The following GSE1 variants were observed in gnomAD, a reference collection of about 807,000 sequenced individuals.
GSE1 encodes the protein Gse1 coiled-coil protein, also known as genetic suppressor element 1.
Under a neutral mutation model 112.6 loss-of-function variants are expected in GSE1, and 32 were observed. That is an observed-to-expected ratio of 0.28 (90% CI 0.21 to 0.38). The LOEUF is 0.38. GSE1 is among the 10% of genes least tolerant of loss of function. The pLI is 1.00. For missense variants in GSE1, 2,348 were observed against 1,699.2 expected, an observed-to-expected ratio of 1.38 and a Z score of -6.71; for synonymous variants, 1,115 against 735.6, an observed-to-expected ratio of 1.52 and a Z score of -8.35.
chr16:85,666,642 G>T (rs1461919654), intron 13 of GSE1: 2 of 403,882 alleles, frequency 5.0e-6, no homozygotes, highest in Non-Finnish European at 9.0e-6. Flanking sequence ...GACAGGCATT[G>T]GTTTTTGCAG....
chr16:85,642,829 C>T (rs953294869), intron 2 of GSE1, among the ~76,000 whole-genome samples: 1 of 152,180 alleles, frequency 6.6e-6, no homozygotes, highest in African/African-American at 2.4e-5. Flanking sequence ...TTTACCTCTC[C>T]GGGTGCCCTG....
At chr16:85,323,432 C>T (rs1339973874) in intron 1 of GSE1, among the ~76,000 whole-genome samples, 2 of 152,038 alleles carry the variant, frequency 1.3e-5, no homozygotes, top group African/African-American at 4.8e-5. Context: ...AGGAGGCTGC[C>T]AAGGTGAGCT....
chr16:85,626,726 T>TGCCGGGGAAGA (rs1311717894), intron 1 of GSE1, among the ~76,000 whole-genome samples: 1 of 152,110 alleles, frequency 6.6e-6, no homozygotes, highest in African/African-American at 2.4e-5. Flanking sequence ...TGAGGTCTGG[T>TGCCGGGGAAGA]GCCGGGGAAG....
chr16:85,636,365 A>ACGCCCTCAGCCAGGCCTGGGCCCTCGT (rs2049998326), intron 2 of GSE1, among the ~76,000 whole-genome samples: 1 of 152,018 alleles, frequency 6.6e-6, no homozygotes, highest in Admixed American at 6.5e-5. Flanking sequence ...GGGTCCTGGA[A>ACGCCCTCAGCCAGGCCTGGGCCCTCGT]CGCCCTCAGC....
Position 85,668,437 on chromosome 16 carries a change from TG to T in GSE1, c.3415+17del. 8.4e-7 allele frequency: 1 copy of T among 1,194,984 alleles called. No individual in the cohort carries two copies. Among genetic ancestry groups the T allele is most frequent in the Non-Finnish European group, 1.2e-6 (1 of 826,524 alleles). 74.0% of individuals were successfully genotyped at this position (1,194,984 alleles called of 1,614,324 possible). A position where few individuals can be genotyped will look rare whatever the true frequency, so the allele number is the denominator to read the frequency against. ...GAACACATAGAAGGTAAGGGGGTGC[TG>T]GGGAAGAGGGGGGAGGGGGTCAGGA... On this transcript the variant is annotated intron_variant, in intron 14 of 15. Transcript: ENST00000253458.
chr16:85,307,546 G>C (rs1371969061), intron 1 of GSE1, among the ~76,000 whole-genome samples: 1 of 152,214 alleles, frequency 6.6e-6, no homozygotes, highest in Non-Finnish European at 1.5e-5. Flanking sequence ...ACAGAGCTTC[G>C]AGCTGTCCCT....
chr16:85,480,302 C>T (rs1251237619), intron 2 of GSE1, among the ~76,000 whole-genome samples: 1 of 152,250 alleles, frequency 6.6e-6, no homozygotes, highest in Non-Finnish European at 1.5e-5. Flanking sequence ...TCCAGGGCCC[C>T]ATTGGGTGAG....
chr16:85,332,547 G>T (rs528354108), intron 1 of GSE1, among the ~76,000 whole-genome samples: 44 of 152,226 alleles, frequency 2.9e-4, no homozygotes, highest in African/African-American at 1.1e-3. Flanking sequence ...GGTGTCCAAA[G>T]CCCCCTCCCC....
intron 2 of GSE1, among the ~76,000 whole-genome samples, chr16:85,505,023 G>GCCA (rs1053638451): frequency 1.3e-5 from 2 of 151,928 alleles, no homozygotes; most frequent in African/African-American, 4.8e-5. Context: ...ACATGTGCAC[G>GCCA]CACACACAGC....
chr16:85,398,618 T>A (rs973935372), intron 2 of GSE1, among the ~76,000 whole-genome samples: 1 of 152,208 alleles, frequency 6.6e-6, no homozygotes, highest in Non-Finnish European at 1.5e-5. Flanking sequence ...GACAAACCGC[T>A]GCATGACTCT....
chr16:85,188,200 T>C (rs1480400712), intron 1 of GSE1, among the ~76,000 whole-genome samples: 1 of 152,146 alleles, frequency 6.6e-6, no homozygotes, highest in Non-Finnish European at 1.5e-5. Context: ...CGGAGGGGCA[T>C]TCAGACACGT....
At chr16:85,530,707 G>A (rs535559190) in intron 2 of GSE1, among the ~76,000 whole-genome samples, 22 of 152,336 alleles carry the variant, frequency 1.4e-4, no homozygotes, top group African/African-American at 4.1e-4. Flanking sequence ...AGAGCACCCA[G>A]CCGGGGAATC....
At chr16:85,457,568 G>C (rs1188649142) in intron 2 of GSE1, among the ~76,000 whole-genome samples, 1 of 152,240 alleles carries the variant, frequency 6.6e-6, no homozygotes, top group Non-Finnish European at 1.5e-5. Context: ...CATGCAGAGA[G>C]CAGGGCAAGG....
chr16:85,534,534 C>T (rs537685422), intron 2 of GSE1, among the ~76,000 whole-genome samples: 1 of 152,332 alleles, frequency 6.6e-6, no homozygotes, highest in South Asian at 2.1e-4. Flanking sequence ...AGAGTCCCTC[C>T]AGCCTGTGGC....
intron 1 of GSE1, among the ~76,000 whole-genome samples, chr16:85,215,478 A>G (rs2075293171): frequency 6.6e-6 from 1 of 152,300 alleles, no homozygotes; most frequent in Admixed American, 6.5e-5. Flanking sequence ...TGGCAGGTGC[A>G]CTGAAATTTC....
At chr16:85,196,489 T>A (rs2074929835) in intron 1 of GSE1, among the ~76,000 whole-genome samples, 1 of 152,020 alleles carries the variant, frequency 6.6e-6, no homozygotes, top group African/African-American at 2.4e-5. Context: ...CTTTCTTAAT[T>A]TGAGAGAGAA....
intron 2 of GSE1, among the ~76,000 whole-genome samples, chr16:85,643,706 G>C (rs1373201952): frequency 6.6e-6 from 1 of 152,162 alleles, no homozygotes; most frequent in Non-Finnish European, 1.5e-5. Flanking sequence ...TGTAGAGTTG[G>C]GGTACAGAGA....
chr16:85,422,992 C>G lies in GSE1; in HGVS notation c.2464+65349C>G, dbSNP rs75551621. 3.0e-3 allele frequency among the ~76,000 whole-genome samples: 453 copies of G among 152,312 alleles called. 4 individuals are homozygous for G. The highest frequency in any genetic ancestry group is 0.01 in the African/African-American group (428 of 41,570). ...GAACTTGCCTGGCTTTTAAATAGCA[C>G]CTGTAAACACCACTACTCCCAGCCC... On this transcript the variant is annotated intron_variant, in intron 2 of 2. Coordinates refer to the GSE1 transcript ENST00000637419.
At chr16:85,340,255 C>T (rs1298659899) in intron 1 of GSE1, among the ~76,000 whole-genome samples, 1 of 152,144 alleles carries the variant, frequency 6.6e-6, no homozygotes, top group Non-Finnish European at 1.5e-5. Context: ...GAGGCTGAGA[C>T]AGGAGGATCA....
Sources: gnomAD v4.1 joint callset for allele counts (sites outside exome capture counted in the v4.1 genomes callset) on GRCh38, gnomAD v4.1.1 for gene constraint, MANE v1.5 for transcripts, NCBI Gene and HGNC (gene_info 2026-07-23, HGNC 2026-07-21) for gene names.